The following SIPA1L1 variants were observed in gnomAD, a reference collection of about 807,000 sequenced individuals.
The protein encoded by SIPA1L1 is signal-induced proliferation-associated 1-like protein 1.
A neutral mutation model predicts 162.7 loss-of-function variants in SIPA1L1; 26 were observed. The observed-to-expected ratio is 0.16, with a 90% CI of 0.12 to 0.22. SIPA1L1 has a LOEUF of 0.22. Among genes scored for constraint, SIPA1L1 ranks in the 10% least tolerant of loss-of-function variants. The pLI, the probability that SIPA1L1 is intolerant of heterozygous loss-of-function variation, is 1.00. For missense variants in SIPA1L1, 1,874 were observed against 2,241.0 expected, an observed-to-expected ratio of 0.84 and a Z score of 3.31; for synonymous variants, 829 against 837.4, an observed-to-expected ratio of 0.99 and a Z score of 0.17.
At chr14:71,668,364 A>G (rs1354082776) in intron 10 of SIPA1L1, among the ~76,000 whole-genome samples, 1 of 152,104 alleles carries the variant, frequency 6.6e-6, no homozygotes, top group Non-Finnish European at 1.5e-5. Flanking sequence ...TCTCTCTAAC[A>G]AATCTGGGTA....
chr14:71,687,403 C>G (rs1393960820), intron 13 of SIPA1L1, among the ~76,000 whole-genome samples: 2 of 152,136 alleles, frequency 1.3e-5, no homozygotes, highest in Admixed American at 1.3e-4. Flanking sequence ...GAAAGATGAA[C>G]CTAGGAAATC....
At chr14:71,676,066 G>A (rs1444427526) in intron 12 of SIPA1L1, among the ~76,000 whole-genome samples, 2 of 137,826 alleles carry the variant, frequency 1.5e-5, no homozygotes, top group African/African-American at 5.3e-5. Flanking sequence ...AGACCAGCCT[G>A]AGCAACATGG....
chr14:71,336,342 AC>A (rs1251144006), intron 2 of SIPA1L1, among the ~76,000 whole-genome samples: 1 of 151,860 alleles, frequency 6.6e-6, no homozygotes, highest in Non-Finnish European at 1.5e-5. Context: ...ATTTGCAGTC[AC>A]CCCCCATTTC....
chr14:71,651,778 T>A (rs897139188), intron 8 of SIPA1L1, among the ~76,000 whole-genome samples: 2 of 152,042 alleles, frequency 1.3e-5, no homozygotes, highest in Non-Finnish European at 2.9e-5. Context: ...TGATGAAGGG[T>A]GATGTGAGAA....
intron 2 of SIPA1L1, among the ~76,000 whole-genome samples, chr14:71,336,526 C>T (rs2035109008): frequency 6.6e-6 from 1 of 152,124 alleles, no homozygotes; most frequent in Non-Finnish European, 1.5e-5. Context: ...TTTTTGCAAG[C>T]GCTTTAACTT....
intron 2 of SIPA1L1, among the ~76,000 whole-genome samples, chr14:71,444,699 C>T (rs1056791009): frequency 2.6e-5 from 4 of 152,128 alleles, no homozygotes; most frequent in African/African-American, 9.7e-5. Context: ...TGTTTTTGAG[C>T]CAGGCCCAGG....
At chr14:71,373,448 T>C (rs1303320993) in intron 2 of SIPA1L1, among the ~76,000 whole-genome samples, 2 of 151,420 alleles carry the variant, frequency 1.3e-5, no homozygotes, top group Non-Finnish European at 2.9e-5. Context: ...CGTGGTGAAA[T>C]CCCGCTTCTA....
intron 4 of SIPA1L1, among the ~76,000 whole-genome samples, chr14:71,544,171 A>G (rs551856329): frequency 1.3e-5 from 2 of 151,348 alleles, no homozygotes; most frequent in South Asian, 2.1e-4. Flanking sequence ...ATGTACATAT[A>G]TGCACGTGTG....
chr14:71,484,150 C>T (rs1348630635), intron 2 of SIPA1L1, among the ~76,000 whole-genome samples: 1 of 152,114 alleles, frequency 6.6e-6, no homozygotes. Context: ...TGGAGTTGCT[C>T]TTTGAGGTCG....
At chr14:71,571,501 A>T (rs908859999) in intron 4 of SIPA1L1, among the ~76,000 whole-genome samples, 1 of 152,056 alleles carries the variant, frequency 6.6e-6, no homozygotes, top group Non-Finnish European at 1.5e-5. Flanking sequence ...CATATAACAT[A>T]AAAAAAACTG....
At chr14:71,738,664 C>T (rs915200320) in intron 23 of SIPA1L1, among the ~76,000 whole-genome samples, 1 of 152,156 alleles carries the variant, frequency 6.6e-6, no homozygotes, top group African/African-American at 2.4e-5. Context: ...ACCAAAAGAA[C>T]TGAATGTTTT....
intron 15 of SIPA1L1, chr14:71,704,912 C>A: frequency 1.4e-6 from 1 of 693,660 alleles, no homozygotes; most frequent in African/African-American, 1.8e-5. Context: ...TTCATATAAT[C>A]TAAATTTTTC....
intron 2 of SIPA1L1, among the ~76,000 whole-genome samples, chr14:71,361,213 C>T (rs2140871336): frequency 6.6e-6 from 1 of 152,090 alleles, no homozygotes; most frequent in Non-Finnish European, 1.5e-5. Flanking sequence ...TAGTATACTC[C>T]AAAATGTAGT....
chr14:71,502,289 AG>A (rs2050321029), intron 2 of SIPA1L1, among the ~76,000 whole-genome samples: 1 of 133,474 alleles, frequency 7.5e-6, no homozygotes, highest in Non-Finnish European at 1.6e-5. Flanking sequence ...TTTGAGACAG[AG>A]TCTCGCTGTG....
intron 17 of SIPA1L1, among the ~76,000 whole-genome samples, chr14:71,712,915 C>T (rs747258289): frequency 2.0e-5 from 3 of 152,166 alleles, no homozygotes; most frequent in Non-Finnish European, 4.4e-5. Context: ...AATTACTACC[C>T]ACTTATGCGA....
chr14:71,738,333 T>C lies in SIPA1L1; in HGVS notation c.5208+8T>C, dbSNP rs191129786. Reference sequence around the variant, plus strand: ...CGGGAAGATTTGAAGAAGGTAAACATGTATTCTCAAAGCAAATTGTCCAGT... The same window carrying C: ...CGGGAAGATTTGAAGAAGGTAAACACGTATTCTCAAAGCAAATTGTCCAGT... On this transcript the variant is annotated splice_region_variant and intron_variant, in intron 23 of 23. Coordinates refer to ENST00000381232, the MANE Select transcript of SIPA1L1 (RefSeq NM_001386936.1). 57 of 1,600,210 alleles carry C rather than the reference T, an allele frequency of 3.6e-5. No homozygotes were observed. In the African/African-American group the frequency reaches 5.6e-4, roughly 16 times the overall value.
At position 71,377,864 on chromosome 14, in the gene SIPA1L1, C is replaced by T. The variant is rs1360927553; in HGVS notation, c.-465+56683C>T. 2.6e-5 allele frequency among the ~76,000 whole-genome samples: 4 copies of T among 152,182 alleles called. No individual in the cohort carries two copies. The highest frequency in any genetic ancestry group is 4.4e-5 in the Non-Finnish European group (3 of 68,030). Reference sequence around the variant, plus strand: ...GGCGGCGCGTGCCTGCAATCCCAGGCACTCGGCAGGCTGAGGCAGGAGAAT... The same window carrying T: ...GGCGGCGCGTGCCTGCAATCCCAGGTACTCGGCAGGCTGAGGCAGGAGAAT... On this transcript the variant is annotated intron_variant, in intron 2 of 23. Transcript: ENST00000381232. This position sits in a 1 kb window ranked among gnomAD's most constrained non-coding sequence, Gnocchi z 4.8.
At chr14:71,657,820 A>G (rs1214375054) in intron 8 of SIPA1L1, among the ~76,000 whole-genome samples, 1 of 152,156 alleles carries the variant, frequency 6.6e-6, no homozygotes, top group Non-Finnish European at 1.5e-5. Flanking sequence ...CACTGACCCC[A>G]AGTTGAAATT....
rs765106790 is a variant in SIPA1L1 at position 71,446,894 on chromosome 14, G to GTTTTTTTTTTTTTTTTTTTT, written c.-464-65838_-464-65837insTTTTTTTTTTTTTTTTTTTT. On this transcript the variant is annotated intron_variant, in intron 2 of 23. Coordinates refer to ENST00000381232, the MANE Select transcript of SIPA1L1 (RefSeq NM_001386936.1). ...CTGCAAATAAAGAGAGATGGGCTCT[G>GTTTTTTTTTTTTTTTTTTTT]TTTTTTTTTTTGTTTTTTTTTTTTT... is the stretch of plus-strand genomic sequence containing the variant. Among the ~76,000 whole-genome samples the GTTTTTTTTTTTTTTTTTTTT allele has an allele frequency of 1.8e-4, 16 of 87,398 alleles. 5 individuals are homozygous for GTTTTTTTTTTTTTTTTTTTT. Among genetic ancestry groups the GTTTTTTTTTTTTTTTTTTTT allele is most frequent in the East Asian group, 8.2e-4 (2 of 2,448 alleles). The allele number at this position is 87,398 out of a possible 152,430, so 57.3% of individuals were successfully genotyped here.
Sources: allele counts gnomAD v4.1 joint callset (sites outside exome capture counted in the v4.1 genomes callset), GRCh38; gene constraint gnomAD v4.1.1; non-coding constraint Gnocchi (gnomAD v3.1); transcripts MANE v1.5; gene names NCBI Gene and HGNC (gene_info 2026-07-23, HGNC 2026-07-21).